KLHL1: variants seen among roughly 807,000 people sequenced by gnomAD.
KLHL1 encodes kelch-like protein 1.
Under a neutral mutation model 77.7 loss-of-function variants are expected in KLHL1, and 47 were observed. The ratio of observed to expected loss-of-function variants is 0.60; its 90% CI spans 0.48 to 0.77. The LOEUF (loss-of-function observed/expected upper bound fraction) is 0.77, where lower values mean the gene tolerates loss of function less well. Among genes scored for constraint, KLHL1 ranks in the 30% least tolerant of loss-of-function variants. The probability of loss-of-function intolerance (pLI) is 0.00; values close to 1 mark genes in which losing one functional copy is unlikely to be tolerated. For missense variants in KLHL1, 925 were observed against 910.8 expected (o/e 1.02, Z -0.20); for synonymous variants, 360 against 325.2 (o/e 1.11, Z -1.15).
chr13:69,835,656 A>C (rs555921131), intron 6 of KLHL1, among the ~76,000 whole-genome samples: 1 of 152,250 alleles, frequency 6.6e-6, no homozygotes, highest in South Asian at 2.1e-4. Context: ...AGAGTAAAGA[A>C]AATTAATTAT....
Position 69,899,006 on chromosome 13 carries a change from T to C in KLHL1, c.1015-16511A>G, listed in dbSNP as rs572795976. On this transcript the variant is annotated intron_variant, in intron 4 of 10. Transcript: ENST00000377844. Reference sequence around the variant, plus strand: ...GCTGCAATTGATATCACAAATGCAATAAAAATTACACATTTTTTTTTTTTT... The same window carrying C: ...GCTGCAATTGATATCACAAATGCAACAAAAATTACACATTTTTTTTTTTTT... Among the ~76,000 whole-genome samples the C allele has an allele frequency of 7.7e-5, 9 of 117,234 alleles. No homozygotes were observed. The South Asian group carries it at 3.0e-3, about 39-fold the overall frequency. The allele number at this position is 117,234 out of a possible 152,430, so 76.9% of individuals were successfully genotyped here.
At chr13:69,934,114 G>A (rs1177773920) in intron 4 of KLHL1, among the ~76,000 whole-genome samples, 2 of 152,016 alleles carry the variant, frequency 1.3e-5, no homozygotes, top group African/African-American at 4.8e-5. Context: ...GCCTTGCAGG[G>A]ATTTTGAAAG....
chr13:69,836,011 C>A (rs972349795), intron 6 of KLHL1, among the ~76,000 whole-genome samples: 1 of 151,924 alleles, frequency 6.6e-6, no homozygotes, highest in African/African-American at 2.4e-5. Context: ...GTTCATAGTA[C>A]AAAATTTAGC....
At position 70,107,600 on chromosome 13, in the gene KLHL1, C is replaced by A. The variant is rs41283978; in HGVS notation, c.100G>T (p.Gly34Trp). 158 of 1,593,512 alleles carry A rather than the reference C, an allele frequency of 9.9e-5. No homozygotes were observed. The highest frequency in any genetic ancestry group is 4.0e-4 in the East Asian group (18 of 44,806). ...CCGTCCTGTTGCAGGCAGCCTCCCC[C>A]CGCCGGGCCGCCGGTGGAAGGAGAC... ...HPSPSTGGPA[G>W]GGCLQQDGSG... is the part of the protein sequence containing the mutation. The change falls in exon 1 of 11, where the codon GGG (glycine) becomes TGG (tryptophan). Residue 34 changes from glycine to tryptophan, a missense_variant. Transcript: ENST00000377844.
intron 1 of KLHL1, among the ~76,000 whole-genome samples, chr13:69,976,036 T>C (rs1884536219): frequency 6.6e-6 from 1 of 152,098 alleles, no homozygotes; most frequent in Admixed American, 6.6e-5. Context: ...TAAAAGAGGT[T>C]TAAAAATATG....
At position 69,838,875 on chromosome 13, in the gene KLHL1, G is replaced by A. The variant is rs1229020825; in HGVS notation, c.1414+101C>T. Reference sequence around the variant, plus strand: ...TTAATCTTAAATTACAATAATTAAAGCTGAGTTTATGTCATTTTTTGTAGT... The same window carrying A: ...TTAATCTTAAATTACAATAATTAAAACTGAGTTTATGTCATTTTTTGTAGT... On this transcript the variant is annotated intron_variant, in intron 6 of 10. Coordinates refer to ENST00000377844, the MANE Select transcript of KLHL1 (RefSeq NM_020866.3). 16 of 658,964 alleles carry A rather than the reference G, an allele frequency of 2.4e-5. No homozygotes were observed. The East Asian group carries it at 3.1e-4, about 13-fold the overall frequency. The allele number at this position is 658,964 out of a possible 1,614,324, so 40.8% of individuals were successfully genotyped here. A position where few individuals can be genotyped will look rare whatever the true frequency, so the allele number is the denominator to read the frequency against.
chr13:69,962,151 A>G (rs186948690), intron 2 of KLHL1, among the ~76,000 whole-genome samples: 1 of 152,048 alleles, frequency 6.6e-6, no homozygotes, highest in African/African-American at 2.4e-5. Context: ...TTCCTTTTCA[A>G]TTTTAAAGTT....
At chr13:70,028,771 G>T (rs1286803059) in intron 1 of KLHL1, among the ~76,000 whole-genome samples, 1 of 152,052 alleles carries the variant, frequency 6.6e-6, no homozygotes, top group Non-Finnish European at 1.5e-5. Flanking sequence ...GAGCCCAGGA[G>T]ACTGAGACCA....
intron 2 of KLHL1, among the ~76,000 whole-genome samples, chr13:69,971,188 G>A (rs888957711): frequency 1.3e-5 from 2 of 151,916 alleles, no homozygotes; most frequent in Non-Finnish European, 2.9e-5. Flanking sequence ...CTATATTATA[G>A]AGAAAAGTGA....
chr13:70,082,710 AACCCAGGT>A (rs1191430142), intron 1 of KLHL1, among the ~76,000 whole-genome samples: 1 of 152,192 alleles, frequency 6.6e-6, no homozygotes, highest in Admixed American at 6.5e-5. Flanking sequence ...ACACAGAATC[AACCCAGGT>A]ACCCATGCCT....
chr13:70,100,846 T>C (rs1377585804), intron 1 of KLHL1, among the ~76,000 whole-genome samples: 2 of 152,242 alleles, frequency 1.3e-5, no homozygotes, highest in Admixed American at 1.3e-4. Flanking sequence ...AAAATTATTT[T>C]AGATGGTACA....
In KLHL1 at chr13:69,786,615, C is replaced by G. The variant is rs553958940; in HGVS notation, c.1639+10123G>C. Among the ~76,000 whole-genome samples, 6 of 152,304 alleles carry G rather than the reference C, an allele frequency of 3.9e-5. No individual in the cohort carries two copies. The South Asian group carries it at 1.2e-3, about 32-fold the overall frequency. On this transcript the variant is annotated intron_variant, in intron 7 of 10. Transcript: ENST00000377844. ...CTGGCACAAGACAGGGATGCCCTCT[C>G]TCACCACTCCTATTCAACATACTGT...
intron 1 of KLHL1, among the ~76,000 whole-genome samples, chr13:70,057,562 G>T (rs1566539195): frequency 1.3e-5 from 2 of 148,708 alleles, no homozygotes; most frequent in Non-Finnish European, 3.0e-5. Flanking sequence ...GGATCATGAG[G>T]TCAGGAGATC....
chr13:69,813,512 AT>A (rs1877989911), intron 6 of KLHL1, among the ~76,000 whole-genome samples: 1 of 151,922 alleles, frequency 6.6e-6, no homozygotes, highest in Admixed American at 6.6e-5. Context: ...ACATATATAT[AT>A]ATATAAAGAC....
chr13:69,827,729 CAAAAAAAAAA>C lies in KLHL1; in HGVS notation c.1414+11237_1414+11246del, dbSNP rs58504097. The stretch of plus-strand genomic sequence containing the variant: ...CTGGCGACAGAGCGAGACCCTGTCT[CAAAAAAAAAA>C]AAAAAAAAAAAAAGTTATTCTTAGC... On this transcript the variant is annotated intron_variant, in intron 6 of 10. Transcript: ENST00000377844. Among the ~76,000 whole-genome samples, 622 of 73,050 alleles carry C rather than the reference CAAAAAAAAAA, an allele frequency of 8.5e-3. 6 individuals carry two copies. The highest frequency in any genetic ancestry group is 0.026 in the African/African-American group (599 of 23,084). 47.9% of individuals were successfully genotyped at this position (73,050 alleles called of 152,430 possible).
chr13:69,950,598 G>A (rs1053333906), intron 3 of KLHL1, among the ~76,000 whole-genome samples: 7 of 151,552 alleles, frequency 4.6e-5, no homozygotes, highest in Non-Finnish European at 7.4e-5. Context: ...ACTCATGGTC[G>A]TAGAAGTTAT....
chr13:69,719,661 T>G, intron 8 of KLHL1, 80 bp from the exon 9 acceptor site: 1 of 1,082,454 alleles, frequency 9.2e-7, no homozygotes, highest in Admixed American at 2.2e-5. Flanking sequence ...TAAAATAAAT[T>G]TTCACAGTAT....
intron 1 of KLHL1, among the ~76,000 whole-genome samples, chr13:70,060,057 G>A (rs1463137369): frequency 2.0e-5 from 3 of 152,112 alleles, no homozygotes; most frequent in Admixed American, 1.3e-4. Flanking sequence ...ACAAGACAGA[G>A]AATACATAAG....
At chr13:69,838,038 T>G (rs1489774309) in intron 6 of KLHL1, among the ~76,000 whole-genome samples, 2 of 151,724 alleles carry the variant, frequency 1.3e-5, no homozygotes, top group African/African-American at 4.8e-5. Context: ...ATGAAAACCA[T>G]GTAACAGCCA....
Sources: allele counts gnomAD v4.1 joint callset (sites outside exome capture counted in the v4.1 genomes callset), GRCh38; gene constraint gnomAD v4.1.1; transcripts MANE v1.5; gene names NCBI Gene and HGNC (gene_info 2026-07-23, HGNC 2026-07-21).